GLIPR1L1: variants seen among roughly 807,000 people sequenced by gnomAD.
The protein encoded by GLIPR1L1 is GLIPR1 like 1, also known as GLIPR1-like protein 1.
Under a neutral mutation model 29.9 loss-of-function variants are expected in GLIPR1L1, and 26 were observed. That is an observed-to-expected ratio of 0.87 (90% CI 0.64 to 1.21). GLIPR1L1 has a LOEUF of 1.21. Among genes scored for constraint, GLIPR1L1 ranks in the 50% most tolerant of loss-of-function variants. GLIPR1L1 has a pLI of 0.00. For synonymous variants in GLIPR1L1, 77 were observed against 97.5 expected (o/e 0.79, Z 1.24); for missense variants, 305 against 290.3 (o/e 1.05, Z -0.37).
chr12:75,362,513 A>C (rs1013561698), intron 3 of GLIPR1L1, among the ~76,000 whole-genome samples: 6 of 152,186 alleles, frequency 3.9e-5, no homozygotes, highest in African/African-American at 1.4e-4. Flanking sequence ...AGAATATGTA[A>C]CTAAATTGTG....
chr12:75,343,895 T>C lies in GLIPR1L1; in HGVS notation c.377T>C (p.Phe126Ser). The C allele has an allele frequency of 6.2e-7, 1 of 1,612,134 alleles. No individual in the cohort carries two copies. Among genetic ancestry groups the C allele is most frequent in the Non-Finnish European group, 8.5e-7 (1 of 1,178,428 alleles). ...AWYNETQFYD[F>S]DSLSCSRVCG... Reference sequence around the variant, plus strand: ...TATAATGAAACCCAATTTTATGATTTTGATAGTCTATCATGCTCCAGAGTC... The same window carrying C: ...TATAATGAAACCCAATTTTATGATTCTGATAGTCTATCATGCTCCAGAGTC... The change falls in exon 2 of 6, where the codon TTT becomes TCT. Residue 126 changes from phenylalanine to serine, a missense_variant. By Grantham distance (155) the Phe-to-Ser change is radical (BLOSUM62 -2). Coordinates refer to ENST00000378695, the MANE Select transcript of GLIPR1L1 (RefSeq NM_001304964.2).
chr12:75,340,187 T>C (rs1178199418), intron 1 of GLIPR1L1, among the ~76,000 whole-genome samples: 1 of 150,714 alleles, frequency 6.6e-6, no homozygotes, highest in Non-Finnish European at 1.5e-5. Flanking sequence ...CCACATTTTC[T>C]TTATTAACTT....
Position 75,343,927 on chromosome 12 carries a change from C to A in GLIPR1L1, c.409C>A (p.His137Asn). The A allele has an allele frequency of 6.2e-7, 1 of 1,606,692 alleles. No individual in the cohort carries two copies. Among genetic ancestry groups the A allele is most frequent in the Middle Eastern group, 1.8e-4 (1 of 5,714 alleles). Residue 137 changes from histidine to asparagine, a missense_variant, in exon 2 of 6, where the codon CAT becomes AAT. Coordinates refer to ENST00000378695, the MANE Select transcript of GLIPR1L1 (RefSeq NM_001304964.2). The part of the protein sequence containing the change: ...DSLSCSRVCG[H>N]YTQLVWANSF... ...TCTATCATGCTCCAGAGTCTGTGGC[C>A]ATTATACACAGGTAAATATTTGACA...
chr12:75,343,600 A>G, intron 1 of GLIPR1L1, 93 bp from the exon 2 acceptor site: 2 of 968,670 alleles, frequency 2.1e-6, no homozygotes, highest in Non-Finnish European at 3.0e-6. Flanking sequence ...TTAAAATAAT[A>G]AATTTAAGCA....
At position 75,334,715 on chromosome 12, in the gene GLIPR1L1, C is replaced by G. The variant is rs767400903; in HGVS notation, c.-14C>G. ...GCGCAGTCAGGGCATCCTCCGCATC[C>G]TCCACATCCTTCCATGGCTCTGAAG... On this transcript the variant is annotated 5_prime_UTR_variant, in exon 1 of 6. Transcript: ENST00000378695. The G allele has an allele frequency of 6.2e-7, 1 of 1,609,962 alleles. No individual in the cohort carries two copies. The highest frequency in any genetic ancestry group is 8.5e-7 in the Non-Finnish European group (1 of 1,177,680).
intron 3 of GLIPR1L1, among the ~76,000 whole-genome samples, chr12:75,362,355 T>C (rs1241468388): frequency 2.6e-5 from 4 of 152,256 alleles, no homozygotes; most frequent in African/African-American, 9.6e-5. Flanking sequence ...CCATGCCAAA[T>C]GCTGGGGACA....
chr12:75,349,000 G>A (rs190971673), intron 3 of GLIPR1L1, among the ~76,000 whole-genome samples: 1 of 152,236 alleles, frequency 6.6e-6, no homozygotes, highest in Non-Finnish European at 1.5e-5. Flanking sequence ...TTGAAGAAAT[G>A]GAGCTAAAAG....
chr12:75,335,467 G>T (rs550292618), intron 1 of GLIPR1L1, among the ~76,000 whole-genome samples: 2 of 152,266 alleles, frequency 1.3e-5, no homozygotes, highest in South Asian at 4.1e-4. Context: ...TGAATTGTAT[G>T]ATTGGAAATT....
chr12:75,369,755 T>C, intron 4 of GLIPR1L1: 5 of 985,106 alleles, frequency 5.1e-6, no homozygotes, highest in Non-Finnish European at 6.0e-6. Context: ...GTTTTAGAAA[T>C]ATTTGTTGAC....
intron 3 of GLIPR1L1, among the ~76,000 whole-genome samples, chr12:75,349,251 T>C (rs1034378840): frequency 1.3e-5 from 2 of 152,202 alleles, no homozygotes; most frequent in Non-Finnish European, 2.9e-5. Flanking sequence ...CAATTCATAA[T>C]GTAAAACCTG....
intron 4 of GLIPR1L1, among the ~76,000 whole-genome samples, chr12:75,366,616 T>C (rs900027449): frequency 6.6e-6 from 1 of 151,812 alleles, no homozygotes; most frequent in African/African-American, 2.4e-5. Context: ...ATCATTCTTG[T>C]CTTTCCTCTT....
At chr12:75,358,385 G>C (rs985921868) in intron 3 of GLIPR1L1, among the ~76,000 whole-genome samples, 2 of 151,742 alleles carry the variant, frequency 1.3e-5, no homozygotes, top group Non-Finnish European at 3.0e-5. Flanking sequence ...CTTTATCTAA[G>C]AGGGGTATAT....
At chr12:75,362,039 A>T (rs1370172865) in intron 3 of GLIPR1L1, among the ~76,000 whole-genome samples, 2 of 152,186 alleles carry the variant, frequency 1.3e-5, no homozygotes, top group Admixed American at 1.3e-4. Context: ...AAAATTAAAA[A>T]TAACTACTAT....
chr12:75,346,138 T>G (rs536153121), intron 2 of GLIPR1L1, among the ~76,000 whole-genome samples: 10 of 152,322 alleles, frequency 6.6e-5, no homozygotes, highest in African/African-American at 2.4e-4. Context: ...ATTCTCACGA[T>G]TCCAAAAGCC....
chr12:75,365,938 T>C (rs1228321608), intron 4 of GLIPR1L1, among the ~76,000 whole-genome samples: 1 of 152,154 alleles, frequency 6.6e-6, no homozygotes, highest in Non-Finnish European at 1.5e-5. Flanking sequence ...GCTGGCTTTA[T>C]AGTTTTATAA....
chr12:75,366,756 T>C, intron 4 of GLIPR1L1: 1 of 635,332 alleles, frequency 1.6e-6, no homozygotes, highest in Non-Finnish European at 2.8e-6. Flanking sequence ...CAATGAGTCA[T>C]TTCCACGCTC....
intron 1 of GLIPR1L1, among the ~76,000 whole-genome samples, chr12:75,341,948 C>T (rs1316628947): frequency 6.6e-6 from 1 of 151,930 alleles, no homozygotes; most frequent in African/African-American, 2.4e-5. Flanking sequence ...GGGTTTCACC[C>T]TGTTGGCCAG....
chr12:75,352,322 T>C (rs2042870230), intron 3 of GLIPR1L1, among the ~76,000 whole-genome samples: 1 of 151,790 alleles, frequency 6.6e-6, no homozygotes. Context: ...ACCAAGCAAA[T>C]GGAAAACAGA....
intron 4 of GLIPR1L1, chr12:75,369,400 C>T: frequency 6.9e-6 from 3 of 436,936 alleles, no homozygotes; most frequent in Non-Finnish European, 9.1e-6. Context: ...TGCTGGTAAC[C>T]ATTATATCCA....
Sources: gnomAD v4.1 joint callset for allele counts (sites outside exome capture counted in the v4.1 genomes callset) on GRCh38, gnomAD v4.1.1 for gene constraint, MANE v1.5 for transcripts, NCBI Gene and HGNC (gene_info 2026-07-23, HGNC 2026-07-21) for gene names.